The following CD53 variants were observed in gnomAD, a reference collection of about 807,000 sequenced individuals.
The protein encoded by CD53 is CD53 molecule, also known as leukocyte surface antigen CD53.
A neutral mutation model predicts 27.3 loss-of-function variants in CD53; 20 were observed. The observed-to-expected ratio is 0.73, with a 90% CI of 0.52 to 1.07. CD53 has a LOEUF of 1.07. Among genes scored for constraint, CD53 ranks in the 50% least tolerant of loss-of-function variants. The probability of loss-of-function intolerance (pLI) is 0.00; values close to 1 mark genes in which losing one functional copy is unlikely to be tolerated. For synonymous variants in CD53, 106 were observed against 105.3 expected (o/e 1.01, Z -0.04); for missense variants, 216 against 264.0 (o/e 0.82, Z 1.26).
Position 110,899,285 on chromosome 1 carries a change from A to G in CD53, c.*90A>G, listed in dbSNP as rs371286878. On this transcript the variant is annotated 3_prime_UTR_variant, in exon 8 of 8. Transcript: ENST00000271324. Reference sequence around the variant, plus strand: ...TGAAGCCCTACATGATCACTGCAGGATGATCCTCCTCCCATCCTTTCCCTT... The same window carrying G: ...TGAAGCCCTACATGATCACTGCAGGGTGATCCTCCTCCCATCCTTTCCCTT... 3 of 903,288 alleles carry G rather than the reference A, an allele frequency of 3.3e-6. No homozygotes were observed. The highest frequency in any genetic ancestry group is 2.0e-5 in the Admixed American group (1 of 50,896). 56.0% of individuals were successfully genotyped at this position (903,288 alleles called of 1,614,324 possible).
At chr1:110,897,575 C>G (rs1385344208) in intron 6 of CD53, 4 of 377,388 alleles carry the variant, frequency 1.1e-5, no homozygotes, top group Non-Finnish European at 1.9e-5. Context: ...GGGTAAGGAT[C>G]TAGGACTTCT....
At chr1:110,884,752 A>T (rs900670049) in intron 1 of CD53, among the ~76,000 whole-genome samples, 3 of 152,100 alleles carry the variant, frequency 2.0e-5, no homozygotes, top group African/African-American at 7.2e-5. Flanking sequence ...TCTAATATAG[A>T]CACTCCAGCC....
At chr1:110,875,952 A>G (rs536824354) in intron 1 of CD53, among the ~76,000 whole-genome samples, 1 of 152,348 alleles carries the variant, frequency 6.6e-6, no homozygotes, top group Non-Finnish European at 1.5e-5. Context: ...TCATAAGCAC[A>G]CAGCAGAATT....
chr1:110,883,487 G>A (rs1482950165), intron 1 of CD53, among the ~76,000 whole-genome samples: 2 of 151,832 alleles, frequency 1.3e-5, no homozygotes, highest in Non-Finnish European at 2.9e-5. Flanking sequence ...ATCTTGTTCT[G>A]AGGAACATTG....
chr1:110,895,359 A>C (rs1657017341), intron 5 of CD53, among the ~76,000 whole-genome samples: 1 of 152,240 alleles, frequency 6.6e-6, no homozygotes, highest in Admixed American at 6.5e-5. Context: ...CCAAAATTTT[A>C]CTGAAAACAG....
rs753847989 is a variant in CD53 at position 110,899,182 on chromosome 1, C to T, written c.647C>T (p.Thr216Ile). 1.2e-5 allele frequency: 20 copies of T among 1,611,402 alleles called. No individual in the cohort carries two copies. Among genetic ancestry groups the T allele is most frequent in the Non-Finnish European group, 1.7e-5 (20 of 1,177,618 alleles). ...TGCCAGATTGACAAAACCAGCCAGACCATAGGGCTATGATCTGCAGTAGTC... is the reference window on the plus strand; with the variant it reads ...TGCCAGATTGACAAAACCAGCCAGATCATAGGGCTATGATCTGCAGTAGTC... Reference protein sequence around the residue: ...LNCQIDKTSQTIGL With the variant: ...LNCQIDKTSQIIGL Residue 216 changes from threonine (T) to isoleucine (I), a missense_variant, in exon 8 of 8, where the codon ACC becomes ATC. Coordinates refer to ENST00000271324, the MANE Select transcript of CD53 (RefSeq NM_000560.4).
chr1:110,894,784 C>A (rs968875419), intron 4 of CD53, among the ~76,000 whole-genome samples, 176 bp from the exon 5 acceptor site: 1 of 152,184 alleles, frequency 6.6e-6, no homozygotes, highest in Non-Finnish European at 1.5e-5. Flanking sequence ...CCTTCAATGC[C>A]ACCTCATGCT....
At chr1:110,890,808 A>G (rs1656820948) in intron 1 of CD53, among the ~76,000 whole-genome samples, 1 of 152,240 alleles carries the variant, frequency 6.6e-6, no homozygotes, top group Non-Finnish European at 1.5e-5. Flanking sequence ...TCTGGAGGAT[A>G]GCTACTGCTT....
intron 3 of CD53, among the ~76,000 whole-genome samples, chr1:110,893,621 C>T (rs1344141717): frequency 6.6e-6 from 1 of 152,228 alleles, no homozygotes; most frequent in Non-Finnish European, 1.5e-5. Context: ...TGCGCCCAGT[C>T]TGTATGGGTC....
intron 5 of CD53, among the ~76,000 whole-genome samples, 172 bp downstream of exon 5, chr1:110,895,227 A>G (rs1183972648): frequency 6.6e-6 from 1 of 152,238 alleles, no homozygotes; most frequent in Admixed American, 6.5e-5. Flanking sequence ...TAGTCTGATT[A>G]GTACAAAGTT....
In CD53 at chr1:110,891,372, T is replaced by A; in HGVS notation, c.-17-20T>A. 1 of 1,553,484 alleles carries A rather than the reference T, an allele frequency of 6.4e-7. No homozygotes were observed. Among genetic ancestry groups the A allele is most frequent in the Non-Finnish European group, 8.9e-7 (1 of 1,124,666 alleles). The stretch of plus-strand genomic sequence containing the variant: ...CCTTACAGAGTGAGGTAACTTACTT[T>A]CTTCTTCCTTATTCCTTAGGGCAAG... On this transcript the variant is annotated intron_variant, in intron 1 of 7. Coordinates refer to ENST00000271324, the MANE Select transcript of CD53 (RefSeq NM_000560.4).
At chr1:110,894,696 G>T (rs1475488542) in intron 4 of CD53, among the ~76,000 whole-genome samples, 1 of 152,142 alleles carries the variant, frequency 6.6e-6, no homozygotes, top group African/African-American at 2.4e-5. Flanking sequence ...CCTAAGGATA[G>T]CCCTTGCTTT....
chr1:110,887,090 G>GTC (rs1327441275), intron 1 of CD53, among the ~76,000 whole-genome samples: 3 of 97,012 alleles, frequency 3.1e-5, no homozygotes, highest in African/African-American at 1.1e-4. Flanking sequence ...TTGAGACGGA[G>GTC]TCTCGCTCTG....
At chr1:110,892,648 A>G in intron 3 of CD53, 115 bp downstream of exon 3, 1 of 884,730 alleles carries the variant, frequency 1.1e-6, no homozygotes, top group South Asian at 1.6e-5. Flanking sequence ...GGAAAATGAG[A>G]TTGGTACCTC....
chr1:110,892,735 G>A (rs570288304), intron 3 of CD53: 5 of 530,780 alleles, frequency 9.4e-6, no homozygotes, highest in African/African-American at 5.8e-5. Flanking sequence ...AGAGGGCATT[G>A]CTATCCCCCT....
chr1:110,891,250 C>T (rs945180883), intron 1 of CD53, 142 bp from the exon 2 acceptor site: 23 of 640,790 alleles, frequency 3.6e-5, no homozygotes, highest in Non-Finnish European at 5.3e-5. Context: ...ACTAGGAAAG[C>T]GCAGAGTTTG....
At chr1:110,896,228 A>T (rs1345444714) in intron 5 of CD53, among the ~76,000 whole-genome samples, 1 of 152,160 alleles carries the variant, frequency 6.6e-6, no homozygotes, top group African/African-American at 2.4e-5. Flanking sequence ...AGCCCCATGA[A>T]CTTAAAAGTT....
rs186381713 is a variant in CD53, at chr1:110,884,493, G to T, written c.-17-6899G>T. 2.6e-4 allele frequency among the ~76,000 whole-genome samples: 39 copies of T among 152,186 alleles called. 1 individual carries two copies. Among genetic ancestry groups the T allele is most frequent in the South Asian group, 1.0e-3 (5 of 4,828 alleles). ...AATCAGTTAGTTTAAGTTGACTGATGCTGTTGTTCAAATATTTACTGCTTT... is the reference window on the plus strand; with the variant it reads ...AATCAGTTAGTTTAAGTTGACTGATTCTGTTGTTCAAATATTTACTGCTTT... On this transcript the variant is annotated intron_variant, in intron 1 of 7. Coordinates refer to ENST00000271324, the MANE Select transcript of CD53 (RefSeq NM_000560.4).
intron 1 of CD53, among the ~76,000 whole-genome samples, chr1:110,886,586 C>T (rs905800043): frequency 2.6e-5 from 4 of 152,028 alleles, no homozygotes; most frequent in Non-Finnish European, 5.9e-5. Flanking sequence ...TGGTGGCTCA[C>T]ACCTGTAATC....
Sources: gnomAD v4.1 joint callset for allele counts (sites outside exome capture counted in the v4.1 genomes callset) on GRCh38, gnomAD v4.1.1 for gene constraint, MANE v1.5 for transcripts, NCBI Gene and HGNC (gene_info 2026-07-23, HGNC 2026-07-21) for gene names.